ZNF33A: variants seen among roughly 807,000 people sequenced by gnomAD.
ZNF33A encodes brain my041 protein.
In ZNF33A, 9 loss-of-function variants were observed where a neutral mutation model predicts 15.9. That is an observed-to-expected ratio of 0.57 (90% CI 0.34 to 0.99). The LOEUF (loss-of-function observed/expected upper bound fraction) is 0.99, where lower values mean the gene tolerates loss of function less well. ZNF33A is among the 50% of genes least tolerant of loss of function. The probability of loss-of-function intolerance (pLI) is 0.02; values close to 1 mark genes in which losing one functional copy is unlikely to be tolerated. For missense variants in ZNF33A, 843 were observed against 941.6 expected, an observed-to-expected ratio of 0.90 and a Z score of 1.37; for synonymous variants, 294 against 324.2, an observed-to-expected ratio of 0.91 and a Z score of 1.00.
At chr10:38,010,574 T>A, upstream of ZNF33A, 1 of 879,498 alleles carries the variant, frequency 1.1e-6, no homozygotes, top group Non-Finnish European at 1.9e-6. Flanking sequence ...GAAGGGCTGC[T>A]CGCCCGGCCT....
chr10:38,035,369 C>T lies in ZNF33A; in HGVS notation c.250+17983C>T, dbSNP rs555236145. ...CTGATCTTAGGTGATCCACCTGCCC[C>T]GGCCTCCCAAAGTGCTGGGATTAAA... On this transcript the variant is annotated intron_variant, in intron 4 of 4. Transcript: ENST00000432900. Among the ~76,000 whole-genome samples the T allele has an allele frequency of 4.6e-5, 7 of 152,110 alleles. No homozygotes were observed. In the East Asian group the frequency reaches 5.8e-4, roughly 13 times the overall value.
intron 4 of ZNF33A, among the ~76,000 whole-genome samples, chr10:38,030,537 C>T (rs1306604495): frequency 6.6e-6 from 1 of 152,076 alleles, no homozygotes; most frequent in Non-Finnish European, 1.5e-5. Flanking sequence ...CCCTCCTACC[C>T]CCAATGTTTG....
At chr10:38,030,099 T>G (rs1384190263) in intron 4 of ZNF33A, among the ~76,000 whole-genome samples, 1 of 152,194 alleles carries the variant, frequency 6.6e-6, no homozygotes, top group Non-Finnish European at 1.5e-5. Context: ...ATAAAAGTGA[T>G]AATACAAGTG....
At chr10:38,050,530 C>A (rs563024796) in intron 4 of ZNF33A, among the ~76,000 whole-genome samples, 1 of 152,212 alleles carries the variant, frequency 6.6e-6, no homozygotes, top group Non-Finnish European at 1.5e-5. Flanking sequence ...CTGATGGACA[C>A]TGGACTATGT....
chr10:38,052,222 C>T (rs1344742334), intron 4 of ZNF33A, among the ~76,000 whole-genome samples: 4 of 151,746 alleles, frequency 2.6e-5, no homozygotes, highest in African/African-American at 9.7e-5. Flanking sequence ...AATGGAGTCA[C>T]CCAAGAAAAA....
chr10:38,017,471 A>G (rs944103912), intron 4 of ZNF33A, 85 bp downstream of exon 4: 15 of 1,046,348 alleles, frequency 1.4e-5, no homozygotes, highest in Admixed American at 2.0e-5. Flanking sequence ...ACTTTGGAAG[A>G]TTTTTCAAGA....
chr10:38,054,636 A>G lies in ZNF33A; in HGVS notation c.512A>G (p.Asn171Ser). ...TTAGGAAAAAAGTCTGATGAATTTAATGCCTGTGGGAAATTGTTACTCAAT... is the reference window on the plus strand; with the variant it reads ...TTAGGAAAAAAGTCTGATGAATTTAGTGCCTGTGGGAAATTGTTACTCAAT... ...NYLGKKSDEF[N>S]ACGKLLLNIK... Residue 171 changes from asparagine to serine, a missense_variant, in exon 5 of 5, where the codon AAT becomes AGT. Coordinates refer to ENST00000432900, the MANE Select transcript of ZNF33A (RefSeq NM_006954.2). 6.2e-7 allele frequency: 1 copy of G among 1,612,762 alleles called. No homozygotes were observed. Among genetic ancestry groups the G allele is most frequent in the East Asian group, 2.2e-5 (1 of 44,840 alleles).
downstream of ZNF33A, among the ~76,000 whole-genome samples, chr10:38,067,175 C>G (rs1483529112): frequency 6.6e-6 from 1 of 152,130 alleles, no homozygotes; most frequent in Non-Finnish European, 1.5e-5. Context: ...ATTTCACTTC[C>G]TTCCCCCATC....
chr10:38,055,864 C>T lies in ZNF33A; in HGVS notation c.1740C>T (p.Pro580=). The T allele has an allele frequency of 1.9e-6, 3 of 1,613,986 alleles. No homozygotes were observed. The highest frequency in any genetic ancestry group is 2.5e-6 in the Non-Finnish European group (3 of 1,179,964). Residue 580 remains proline (P), a synonymous_variant, in exon 5 of 5, where the codon CCC becomes CCT. Transcript: ENST00000432900. ...ATAGAACACACACAGGGGAGAAACCCTACGAATGTCATGAATGTGGAAAAA... is the reference window on the plus strand; with the variant it reads ...ATAGAACACACACAGGGGAGAAACCTTACGAATGTCATGAATGTGGAAAAA... ...QHYRTHTGEK[P]YECHECGKIF...
intron 4 of ZNF33A, among the ~76,000 whole-genome samples, chr10:38,043,161 C>T (rs1340228561): frequency 1.3e-5 from 2 of 151,474 alleles, no homozygotes; most frequent in African/African-American, 4.9e-5. Context: ...AAATTTTCAC[C>T]CTCTGTTTTG....
chr10:38,038,742 T>G (rs1412004534), intron 4 of ZNF33A, among the ~76,000 whole-genome samples: 2 of 152,214 alleles, frequency 1.3e-5, no homozygotes, highest in South Asian at 4.1e-4. Context: ...TTAATCAGGC[T>G]GAGGAAGTTT....
chr10:38,035,546 T>A (rs528046540), intron 4 of ZNF33A, among the ~76,000 whole-genome samples: 9 of 152,318 alleles, frequency 5.9e-5, no homozygotes, highest in Non-Finnish European at 1.0e-4. Flanking sequence ...ACGTGCAGAT[T>A]TTCCTTTAGT....
Position 38,054,398 on chromosome 10 carries a change from A to C in ZNF33A, c.274A>C (p.Lys92Gln). 1 of 1,580,444 alleles carries C rather than the reference A, an allele frequency of 6.3e-7. No homozygotes were observed. The highest frequency in any genetic ancestry group is 1.8e-4 in the Middle Eastern group (1 of 5,450). Residue 92 changes from lysine (K) to glutamine (Q), a missense_variant, in exon 5 of 5, where the codon AAA (lysine) becomes CAA (glutamine). Coordinates refer to ENST00000432900, the MANE Select transcript of ZNF33A (RefSeq NM_006954.2). ...FPEVWTADHL[K>Q]ERSQENQSKH... is the part of the protein sequence containing the mutation. ...AGAAGTCTGGACAGCTGATCACCTG[A>C]AAGAGAGGAGCCAAGAAAACCAATC...
intron 4 of ZNF33A, chr10:38,039,326 A>G (rs1312545434): frequency 2.6e-6 from 1 of 378,360 alleles, no homozygotes; most frequent in East Asian, 7.3e-5. Context: ...AGGCTCAGGC[A>G]ATTTTCCCAC....
At chr10:38,021,089 A>C (rs138946391) in intron 4 of ZNF33A, among the ~76,000 whole-genome samples, 9,111 of 152,258 alleles carry the variant, frequency 0.06, 352 homozygotes, top group Middle Eastern at 0.095. Context: ...ACCCATCCTA[A>C]AAATGTTTTC....
At chr10:38,040,513 C>T (rs1305380275) in intron 4 of ZNF33A, among the ~76,000 whole-genome samples, 2 of 152,116 alleles carry the variant, frequency 1.3e-5, no homozygotes, top group African/African-American at 2.4e-5. Flanking sequence ...TGTTATGTCT[C>T]CTTTATTGAT....
At chr10:38,051,378 C>T (rs1042958427) in intron 4 of ZNF33A, among the ~76,000 whole-genome samples, 3 of 152,042 alleles carry the variant, frequency 2.0e-5, no homozygotes, top group Admixed American at 6.6e-5. Flanking sequence ...ATTGTCACAA[C>T]GTATAAAGAA....
chr10:38,024,153 A>T (rs1254957027), intron 4 of ZNF33A, among the ~76,000 whole-genome samples: 1 of 132,392 alleles, frequency 7.6e-6, no homozygotes, highest in African/African-American at 2.7e-5. Flanking sequence ...ACTCCGTCTC[A>T]AAAACAAAAC....
chr10:38,033,643 C>T lies in ZNF33A; in HGVS notation c.250+16257C>T, dbSNP rs149016159. ...TAATATTAATATGTATTATACCAAT[C>T]CAGTAGTTGTAAAGAGGTATCTCAT... On this transcript the variant is annotated intron_variant, in intron 4 of 4. Coordinates refer to ENST00000432900, the MANE Select transcript of ZNF33A (RefSeq NM_006954.2). Among the ~76,000 whole-genome samples, 655 of 151,962 alleles carry T rather than the reference C, an allele frequency of 4.3e-3. 2 individuals carry two copies. Among genetic ancestry groups the T allele is most frequent in the African/African-American group, 0.015 (631 of 41,476 alleles).
Sources: allele counts gnomAD v4.1 joint callset (sites outside exome capture counted in the v4.1 genomes callset), GRCh38; gene constraint gnomAD v4.1.1; transcripts MANE v1.5; gene names NCBI Gene and HGNC (gene_info 2026-07-23, HGNC 2026-07-21).